The following AK8 variants were observed in gnomAD, a reference collection of about 807,000 sequenced individuals.
AK8 encodes the protein ATP-AMP transphosphorylase 8.
In AK8, 44 loss-of-function variants were observed where a neutral mutation model predicts 54.6. The observed-to-expected ratio is 0.81, with a 90% confidence interval of 0.63 to 1.04. The LOEUF is 1.04. Among genes scored for constraint, AK8 ranks in the 50% least tolerant of loss-of-function variants. The pLI is 0.00. For missense variants in AK8, 555 were observed against 613.6 expected, an observed-to-expected ratio of 0.90 and a Z score of 1.01; for synonymous variants, 239 against 245.6, an observed-to-expected ratio of 0.97 and a Z score of 0.25.
intron 10 of AK8, among the ~76,000 whole-genome samples, chr9:132,807,656 T>C (rs1362848688): frequency 6.6e-6 from 1 of 152,250 alleles, no homozygotes; most frequent in Non-Finnish European, 1.5e-5. Flanking sequence ...TGGACCCTAA[T>C]TTATGGCTAA....
Position 132,731,719 on chromosome 9 carries a change from C to T in AK8, c.1122-4185G>A, listed in dbSNP as rs540414089. On this transcript the variant is annotated intron_variant, in intron 11 of 12. Coordinates refer to ENST00000298545, the MANE Select transcript of AK8 (RefSeq NM_152572.3). The stretch of plus-strand genomic sequence containing the variant: ...TGAGAAGGATAAAGTTTCTTGAGAG[C>T]TCAGCTCTCTGGATGACTACATACG... Among the ~76,000 whole-genome samples the T allele has an allele frequency of 1.1e-4, 17 of 152,308 alleles. No individual in the cohort carries two copies. In the South Asian group the frequency reaches 2.5e-3, roughly 22 times the overall value.
chr9:132,829,642 G>A (rs1842028222), intron 5 of AK8, among the ~76,000 whole-genome samples: 2 of 150,994 alleles, frequency 1.3e-5, no homozygotes, highest in South Asian at 2.1e-4. Flanking sequence ...TCTACTCTGC[G>A]GCTAACTTGT....
intron 10 of AK8, among the ~76,000 whole-genome samples, chr9:132,813,903 C>T (rs1375857148): frequency 6.6e-6 from 1 of 152,196 alleles, no homozygotes; most frequent in African/African-American, 2.4e-5. Flanking sequence ...CTCACATCTG[C>T]AAAGCTGTCT....
At chr9:132,785,187 C>T (rs549484556) in intron 11 of AK8, among the ~76,000 whole-genome samples, 1 of 151,906 alleles carries the variant, frequency 6.6e-6, no homozygotes, top group South Asian at 2.1e-4. Context: ...TCACTGCAAC[C>T]TCTGCCTCCC....
intron 11 of AK8, among the ~76,000 whole-genome samples, chr9:132,753,320 C>T (rs10901210): frequency 0.52 from 79,585 of 152,188 alleles, 24,488 homozygotes; most frequent in East Asian, 0.76. Context: ...TGGGCCTGGC[C>T]CTGCAGGATG....
At chr9:132,868,524 C>G (rs1474103727) in intron 2 of AK8, among the ~76,000 whole-genome samples, 1 of 152,206 alleles carries the variant, frequency 6.6e-6, no homozygotes, top group Non-Finnish European at 1.5e-5. Flanking sequence ...CACTCCTTCT[C>G]CCTCCCCGAG....
intron 9 of AK8, among the ~76,000 whole-genome samples, chr9:132,821,755 ATATATACATATATGTATATGTGTATG>A (rs1564421177): frequency 5.5e-5 from 4 of 73,192 alleles, no homozygotes; most frequent in Non-Finnish European, 1.0e-4. Context: ...GTATATACAA[ATATATACATATATGTATATGTGTATG>A]TATATACAAA....
intron 2 of AK8, among the ~76,000 whole-genome samples, chr9:132,874,811 T>C (rs1844016277): frequency 6.6e-6 from 1 of 152,244 alleles, no homozygotes; most frequent in South Asian, 2.1e-4. Context: ...AAAGCATTAA[T>C]AATTGATTCC....
At chr9:132,847,013 G>A (rs1842778957) in intron 5 of AK8, among the ~76,000 whole-genome samples, 1 of 152,240 alleles carries the variant, frequency 6.6e-6, no homozygotes, top group South Asian at 2.1e-4. Context: ...CTGGAGCAGA[G>A]GCTCTGGGCC....
rs774005338 is a variant in AK8, at chr9:132,725,705, G to A, written c.1423C>T (p.Pro475Ser). The change falls in exon 13 of 13, where the codon CCC (proline) becomes TCC (serine). Residue 475 changes from proline to serine, a missense_variant. By Grantham distance (74) the Pro-to-Ser change is moderately conservative. Transcript: ENST00000298545. The stretch of plus-strand genomic sequence containing the variant: ...TGAACCCATCAGGGGATTTTCTTGG[G>A]CAGGGGATTAATGATCCCACTCTCG... The part of the protein sequence containing the change: ...YIESGIINPL[P>S]KKIP The A allele has an allele frequency of 6.3e-7, 1 of 1,576,184 alleles. No homozygotes were observed.
At chr9:132,851,456 G>A (rs532234724) in intron 5 of AK8, among the ~76,000 whole-genome samples, 1 of 152,336 alleles carries the variant, frequency 6.6e-6, no homozygotes, top group Admixed American at 6.5e-5. Flanking sequence ...CCAAAAAGAG[G>A]AGCACCAGGG....
chr9:132,803,565 T>C lies in AK8; in HGVS notation c.980-10790A>G, dbSNP rs1840568125. On this transcript the variant is annotated intron_variant, in intron 10 of 12. Coordinates refer to ENST00000298545, the MANE Select transcript of AK8 (RefSeq NM_152572.3). This position sits in a 1 kb window ranked among gnomAD's most constrained non-coding sequence, Gnocchi z 4.4. ...AATTACAGACACAATTCCCTTTATA[T>C]AGAGCAAGCCAACAAATGGGATCCT... Among the ~76,000 whole-genome samples, 1 of 152,126 alleles carries C rather than the reference T, an allele frequency of 6.6e-6. No individual in the cohort carries two copies. Among genetic ancestry groups the C allele is most frequent in the South Asian group, 2.1e-4 (1 of 4,828 alleles).
At chr9:132,828,852 T>C in intron 5 of AK8, 126 bp from the exon 6 acceptor site, 2 of 597,684 alleles carry the variant, frequency 3.3e-6, no homozygotes, top group East Asian at 3.0e-5. Context: ...ATGTTTCTGA[T>C]AGCTACCTCA....
intron 10 of AK8, among the ~76,000 whole-genome samples, chr9:132,805,281 G>C (rs1840667113): frequency 1.3e-5 from 2 of 152,304 alleles, no homozygotes; most frequent in African/African-American, 4.8e-5. Context: ...GTCAGGGTTG[G>C]GTTGGGTTTC....
At chr9:132,807,130 A>G (rs930445392) in intron 10 of AK8, among the ~76,000 whole-genome samples, 3 of 149,584 alleles carry the variant, frequency 2.0e-5, no homozygotes, top group South Asian at 2.2e-4. Context: ...TATGTCTGGT[A>G]TGTGCCAAGG....
intron 11 of AK8, among the ~76,000 whole-genome samples, chr9:132,745,264 T>C (rs1837587674): frequency 6.6e-6 from 1 of 152,148 alleles, no homozygotes; most frequent in African/African-American, 2.4e-5. Context: ...GTTGATTTGA[T>C]GGGATGAGGA....
intron 9 of AK8, among the ~76,000 whole-genome samples, chr9:132,818,385 A>C (rs1349102281): frequency 1.3e-5 from 2 of 152,228 alleles, no homozygotes; most frequent in Non-Finnish European, 2.9e-5. Context: ...AATATATTGT[A>C]GGGTTTATAA....
intron 11 of AK8, among the ~76,000 whole-genome samples, chr9:132,767,455 A>G (rs1838772020): frequency 6.6e-6 from 1 of 152,232 alleles, no homozygotes; most frequent in Non-Finnish European, 1.5e-5. Flanking sequence ...ATTGAAAAAA[A>G]AAAGATGCTG....
At chr9:132,738,734 G>A (rs1015914888) in intron 11 of AK8, among the ~76,000 whole-genome samples, 7 of 148,420 alleles carry the variant, frequency 4.7e-5, no homozygotes, top group African/African-American at 1.5e-4. Context: ...AACAAACAAC[G>A]CAGAAATATG....
Sources: allele counts gnomAD v4.1 joint callset (sites outside exome capture counted in the v4.1 genomes callset), GRCh38; gene constraint gnomAD v4.1.1; non-coding constraint Gnocchi (gnomAD v3.1); transcripts MANE v1.5; gene names NCBI Gene and HGNC (gene_info 2026-07-23, HGNC 2026-07-21).